Variants in HTR2A observed in about 807,000 individuals in gnomAD.
The protein encoded by HTR2A is 5-HT2 receptor.
A neutral mutation model predicts 31.0 loss-of-function variants in HTR2A; 14 were observed. That is an observed-to-expected ratio of 0.45 (90% CI 0.30 to 0.71). The LOEUF (loss-of-function observed/expected upper bound fraction) is 0.71, where lower values mean the gene tolerates loss of function less well. Ranked by LOEUF, HTR2A falls within the 30% of genes least tolerant of loss-of-function variation. The pLI is 0.09. For missense variants in HTR2A, 442 were observed against 573.3 expected (o/e 0.77, Z 2.34); for synonymous variants, 209 against 225.2 (o/e 0.93, Z 0.64).
In HTR2A at chr13:46,832,824, A is replaced by C. The variant is rs899851298; in HGVS notation, c.*2013T>G. ...GTTTTCAAATCTGTATTTTTTTCCC[A>C]AAGGTTTAGGGCAAACACTATTTCT... is the stretch of plus-strand genomic sequence containing the variant. On this transcript the variant is annotated 3_prime_UTR_variant, in exon 4 of 4. Coordinates refer to ENST00000542664, the MANE Select transcript of HTR2A (RefSeq NM_000621.5). 1 of 152,152 alleles carries C rather than the reference A, an allele frequency of 6.6e-6. No homozygotes were observed. Among genetic ancestry groups the C allele is most frequent in the Non-Finnish European group, 1.5e-5 (1 of 68,002 alleles). 9.4% of individuals were successfully genotyped at this position (152,152 alleles called of 1,614,324 possible).
chr13:46,888,514 C>A (rs1951027323), intron 3 of HTR2A, among the ~76,000 whole-genome samples: 1 of 144,790 alleles, frequency 6.9e-6, no homozygotes, highest in Non-Finnish European at 1.5e-5. Context: ...CTATACTGAA[C>A]AAAAATGTGT....
intron 3 of HTR2A, among the ~76,000 whole-genome samples, chr13:46,879,029 C>T (rs1316521291): frequency 6.6e-6 from 1 of 152,188 alleles, no homozygotes; most frequent in Non-Finnish European, 1.5e-5. Flanking sequence ...TAAGAAACTG[C>T]AGCAAATGTC....
chr13:46,835,149 G>T lies in HTR2A; in HGVS notation c.1104C>A (p.Ile368=). 6.2e-7 allele frequency: 1 copy of T among 1,614,014 alleles called. No individual in the cohort carries two copies. Among genetic ancestry groups the T allele is most frequent in the Non-Finnish European group, 8.5e-7 (1 of 1,179,970 alleles). The change falls in exon 4 of 4, where the codon ATC becomes ATA. Residue 368 remains isoleucine (I), a synonymous_variant. Coordinates refer to ENST00000542664, the MANE Select transcript of HTR2A (RefSeq NM_000621.5). ...GGTTGACTGCTGAAGAGAGATAACC[G>T]ATCCAAACAAACACATTGAGCAGGG... ...IGALLNVFVW[I]GYLSSAVNPL...
In HTR2A at chr13:46,835,565, C is replaced by T. The variant is rs147859130; in HGVS notation, c.688G>A (p.Ala230Thr). 5.6e-5 allele frequency: 90 copies of T among 1,613,972 alleles called. No homozygotes were observed. In the African/African-American group the frequency reaches 1.1e-3, roughly 19 times the overall value. Residue 230 changes from alanine to threonine, a missense_variant, in exon 4 of 4, where the codon GCC (alanine) becomes ACC (threonine). Transcript: ENST00000542664. ...KVFKEGSCLL[A>T]DDNFVLIGSF... ...CCGATCAGGACAAAGTTATCATCGGCGAGTAAGCAACTCCCCTCCTTAAAG... is the reference window on the plus strand; with the variant it reads ...CCGATCAGGACAAAGTTATCATCGGTGAGTAAGCAACTCCCCTCCTTAAAG...
rs111454883 is a variant in HTR2A, at chr13:46,863,483, C to A, written c.614-27844G>T. Among the ~76,000 whole-genome samples, 252 of 151,172 alleles carry A rather than the reference C, an allele frequency of 1.7e-3. 3 individuals carry two copies. Among genetic ancestry groups the A allele is most frequent in the African/African-American group, 6.0e-3 (248 of 41,182 alleles). On this transcript the variant is annotated intron_variant, in intron 3 of 3. Coordinates refer to ENST00000542664, the MANE Select transcript of HTR2A (RefSeq NM_000621.5). ...ACAAAAAGTACAAAAATTAGCTGAG[C>A]GTGGTGGAGTGTGCCTGTAGTCCCA...
intron 3 of HTR2A, among the ~76,000 whole-genome samples, chr13:46,860,414 G>T (rs909136546): frequency 6.6e-6 from 1 of 152,230 alleles, no homozygotes; most frequent in Non-Finnish European, 1.5e-5. Context: ...GGGCAGGTCT[G>T]TGTGAACGTG....
chr13:46,846,424 T>C (rs770282669), intron 3 of HTR2A, among the ~76,000 whole-genome samples: 1 of 152,226 alleles, frequency 6.6e-6, no homozygotes, highest in African/African-American at 2.4e-5. Context: ...TGTTTGGTGC[T>C]AACAGAAATG....
At chr13:46,869,713 T>C (rs1950849900) in intron 3 of HTR2A, among the ~76,000 whole-genome samples, 1 of 152,048 alleles carries the variant, frequency 6.6e-6, no homozygotes, top group Non-Finnish European at 1.5e-5. Flanking sequence ...ATATATATAA[T>C]GAAATATTAT....
At chr13:46,846,803 T>C (rs1950646412) in intron 3 of HTR2A, among the ~76,000 whole-genome samples, 1 of 152,208 alleles carries the variant, frequency 6.6e-6, no homozygotes, top group Admixed American at 6.5e-5. Context: ...ACAGGTGTTG[T>C]GTTGACAAGG....
At chr13:46,873,486 G>A (rs1271754978) in intron 3 of HTR2A, among the ~76,000 whole-genome samples, 1 of 148,746 alleles carries the variant, frequency 6.7e-6, no homozygotes, top group Non-Finnish European at 1.5e-5. Context: ...TAGGGTATAT[G>A]TGCACAATGT....
At chr13:46,843,911 G>A (rs970443144) in intron 3 of HTR2A, among the ~76,000 whole-genome samples, 2 of 151,962 alleles carry the variant, frequency 1.3e-5, no homozygotes, top group African/African-American at 2.4e-5. Context: ...GAGTGCTTTG[G>A]GAATCTGCAG....
At chr13:46,873,427 T>TTTATTATTA (rs56356002) in intron 3 of HTR2A, among the ~76,000 whole-genome samples, 3,930 of 144,762 alleles carry the variant, frequency 0.027, 59 homozygotes, top group African/African-American at 0.033. Context: ...TAATATAAAA[T>TTTATTATTA]TTATTATTAT....
rs142795977 is a variant in HTR2A, at chr13:46,831,905, G to C, written c.*2932C>G. On this transcript the variant is annotated 3_prime_UTR_variant, in exon 4 of 4. Coordinates refer to ENST00000542664, the MANE Select transcript of HTR2A (RefSeq NM_000621.5). ...ATCATTCAACTTAAAGTAGAGCAAGGTTTGTTACTCCGTTTTAATAGTATT... is the reference window on the plus strand; with the variant it reads ...ATCATTCAACTTAAAGTAGAGCAAGCTTTGTTACTCCGTTTTAATAGTATT... The C allele has an allele frequency of 6.6e-6, 1 of 152,212 alleles. No homozygotes were observed. The highest frequency in any genetic ancestry group is 1.9e-4 in the East Asian group (1 of 5,180). 9.4% of individuals were successfully genotyped at this position (152,212 alleles called of 1,614,324 possible).
rs1218147756 is a variant in HTR2A, at chr13:46,892,611, G to A, written c.413-21C>T. ...GTACCCTATGAGGCAGAAGGTTGGT[G>A]TCAGTGAGCAACCCTGTGCCTCCTG... On this transcript the variant is annotated intron_variant, in intron 2 of 3. Coordinates refer to ENST00000542664, the MANE Select transcript of HTR2A (RefSeq NM_000621.5). 8.7e-6 allele frequency: 14 copies of A among 1,607,878 alleles called. No homozygotes were observed. The African/African-American group carries it at 9.3e-5, about 11-fold the overall frequency.
chr13:46,865,051 G>A lies in HTR2A; in HGVS notation c.613+27339C>T, dbSNP rs538630767. On this transcript the variant is annotated intron_variant, in intron 3 of 3. Transcript: ENST00000542664. ...CTCTTAAACTATGTCCCTAAAACCC[G>A]AGCAGATGTTAACATTAGCTTTACT... Among the ~76,000 whole-genome samples the A allele has an allele frequency of 7.2e-5, 11 of 152,112 alleles. No homozygotes were observed. The South Asian group carries it at 1.7e-3, about 23-fold the overall frequency.
chr13:46,846,676 T>C (rs992415870), intron 3 of HTR2A, among the ~76,000 whole-genome samples: 4 of 152,144 alleles, frequency 2.6e-5, no homozygotes, highest in Non-Finnish European at 5.9e-5. Flanking sequence ...GTGTGCAATG[T>C]CATATTGCCT....
chr13:46,860,706 C>T (rs1445779584), intron 3 of HTR2A, among the ~76,000 whole-genome samples: 4 of 152,140 alleles, frequency 2.6e-5, no homozygotes, highest in Non-Finnish European at 4.4e-5. Flanking sequence ...ATTGCAGTTA[C>T]CCCCGATTTA....
At chr13:46,878,836 T>C (rs4941571) in intron 3 of HTR2A, among the ~76,000 whole-genome samples, 119,224 of 152,104 alleles carry the variant, frequency 0.78, 46,923 homozygotes, top group African/African-American at 0.84. Flanking sequence ...CACAAGTTTA[T>C]ACTGCCTCAC....
At position 46,835,021 on chromosome 13, in the gene HTR2A, A is replaced by C. The variant is rs1469838383; in HGVS notation, c.1232T>G (p.Val411Gly). Residue 411 changes from valine (V) to glycine (G), a missense_variant, in exon 4 of 4, where the codon GTG (valine) becomes GGG (glycine). Physicochemically the swap from Val to Gly is moderately radical, Grantham distance 109. Transcript: ENST00000542664. ...ENKKPLQLIL[V>G]NTIPALAYKS... Reference sequence around the variant, plus strand: ...GTAGGCCAAAGCCGGTATTGTGTTCACTAAAATTAACTGCAATGGTTTTTT... The same window carrying C: ...GTAGGCCAAAGCCGGTATTGTGTTCCCTAAAATTAACTGCAATGGTTTTTT... 4 of 1,614,140 alleles carry C rather than the reference A, an allele frequency of 2.5e-6. No individual in the cohort carries two copies. In the African/African-American group the frequency reaches 4.0e-5, roughly 16 times the overall value.
Sources: allele counts gnomAD v4.1 joint callset (sites outside exome capture counted in the v4.1 genomes callset), GRCh38; gene constraint gnomAD v4.1.1; transcripts MANE v1.5; gene names NCBI Gene and HGNC (gene_info 2026-07-23, HGNC 2026-07-21).